Variants in GDI2 observed in about 807,000 individuals in gnomAD.
GDI2 encodes rab GDP dissociation inhibitor beta.
In GDI2, 22 loss-of-function variants were observed where a neutral mutation model predicts 54.2. The ratio of observed to expected loss-of-function variants is 0.41; its 90% CI spans 0.29 to 0.58. The LOEUF is 0.58. GDI2 is among the 20% of genes least tolerant of loss of function. GDI2 has a pLI of 0.35. For synonymous variants in GDI2, 177 were observed against 182.1 expected, an observed-to-expected ratio of 0.97 and a Z score of 0.23; for missense variants, 422 against 546.0, an observed-to-expected ratio of 0.77 and a Z score of 2.26.
intron 6 of GDI2, among the ~76,000 whole-genome samples, chr10:5,783,787 T>C (rs1485843616): frequency 6.6e-6 from 1 of 152,244 alleles, no homozygotes; most frequent in Non-Finnish European, 1.5e-5. Context: ...TTCTAGCTTT[T>C]AGAGTTTCTG....
Position 5,768,563 on chromosome 10 carries a change from A to G in GDI2, c.820-179T>C. The G allele has an allele frequency of 3.4e-6, 2 of 584,578 alleles. No individual in the cohort carries two copies. Among genetic ancestry groups the G allele is most frequent in the Non-Finnish European group, 6.1e-6 (2 of 329,634 alleles). The allele number at this position is 584,578 out of a possible 1,614,324, so 36.2% of individuals were successfully genotyped here. ...AAAACAATCTTAAAAGAAGAACAGC[A>G]AAGCTGGAGGACTCACTCACTAAAA... is the stretch of plus-strand genomic sequence containing the variant. On this transcript the variant is annotated intron_variant, in intron 7 of 10. Coordinates refer to ENST00000380191, the MANE Select transcript of GDI2 (RefSeq NM_001494.4). The surrounding 1 kb of genome is among the most constrained non-coding windows in gnomAD (Gnocchi z 4.4).
At chr10:5,794,801 TC>T in intron 4 of GDI2, 83 bp downstream of exon 4, 1 of 887,534 alleles carries the variant, frequency 1.1e-6, no homozygotes, top group Non-Finnish European at 1.8e-6. Flanking sequence ...GTTGACTGGG[TC>T]CTCTCTAAGA....
chr10:5,795,732 C>G (rs1841132582), intron 3 of GDI2, among the ~76,000 whole-genome samples: 1 of 151,936 alleles, frequency 6.6e-6, no homozygotes. Flanking sequence ...GAGTCCAAGA[C>G]CAACCCACAC....
chr10:5,803,761 A>G (rs1341640519), intron 1 of GDI2, among the ~76,000 whole-genome samples: 1 of 152,210 alleles, frequency 6.6e-6, no homozygotes, highest in Non-Finnish European at 1.5e-5. Flanking sequence ...GAGGGAAAAA[A>G]TTAATACAAT....
chr10:5,766,036 G>A lies in GDI2; in HGVS notation c.1308C>T (p.Arg436=). 6.3e-7 allele frequency: 1 copy of A among 1,588,444 alleles called. No individual in the cohort carries two copies. The highest frequency in any genetic ancestry group is 8.5e-7 in the Non-Finnish European group (1 of 1,173,036). The change falls in exon 11 of 11, where the codon CGC becomes CGT. Residue 436 remains arginine, a synonymous_variant. Coordinates refer to ENST00000380191, the MANE Select transcript of GDI2 (RefSeq NM_001494.4). This position sits in a 1 kb window ranked among gnomAD's most constrained non-coding sequence, Gnocchi z 5.8. ...CTTCCCCATAGATGTCATTCTTCTT[G>A]CGCTTCATTTCCTCAAAGTCAAACT... The part of the protein sequence containing the change: ...GSEFDFEEMK[R]KKNDIYGED
In GDI2 at chr10:5,784,668, G is replaced by C. The variant is rs569942298; in HGVS notation, c.719+474C>G. ...TTCCCCTAGGGATGGGGCTTCCTGA[G>C]AGCCAAACTGCAGTGATTGTTATTT... On this transcript the variant is annotated intron_variant, in intron 6 of 10. Transcript: ENST00000380191. Among the ~76,000 whole-genome samples the C allele has an allele frequency of 7.9e-5, 12 of 152,328 alleles. No homozygotes were observed. In the South Asian group the frequency reaches 2.5e-3, roughly 32 times the overall value.
chr10:5,808,697 T>TAAAAAA (rs56672226), intron 1 of GDI2, among the ~76,000 whole-genome samples: 1 of 86,228 alleles, frequency 1.2e-5, no homozygotes, highest in Non-Finnish European at 2.3e-5. Context: ...TTGTTGTTAT[T>TAAAAAA]AAAAAAAAAA....
intron 6 of GDI2, among the ~76,000 whole-genome samples, chr10:5,783,399 T>G (rs915449826): frequency 4.6e-5 from 7 of 152,202 alleles, no homozygotes; most frequent in African/African-American, 1.4e-4. Flanking sequence ...TCTTATCCAT[T>G]CTGCTATTCT....
At chr10:5,791,292 C>CA (rs1477458480) in intron 4 of GDI2, among the ~76,000 whole-genome samples, 1 of 151,700 alleles carries the variant, frequency 6.6e-6, no homozygotes, top group Non-Finnish European at 1.5e-5. Context: ...GACCCTGTTT[C>CA]AAAAAAATAA....
At chr10:5,782,055 A>C (rs1448381812) in intron 6 of GDI2, among the ~76,000 whole-genome samples, 1 of 152,198 alleles carries the variant, frequency 6.6e-6, no homozygotes, top group Admixed American at 6.5e-5. Flanking sequence ...GACCAGCCAT[A>C]AACTGGGAGA....
chr10:5,766,170 G>C lies in GDI2; in HGVS notation c.1192-18C>G, dbSNP rs369570588. 1 of 1,612,978 alleles carries C rather than the reference G, an allele frequency of 6.2e-7. No homozygotes were observed. ...ATAAAGATCTGAAAACAAAAATTAC[G>C]AAGACTTAAGACCATGGAGGGATGT... On this transcript the variant is annotated intron_variant, in intron 10 of 10. Coordinates refer to ENST00000380191, the MANE Select transcript of GDI2 (RefSeq NM_001494.4). This position sits in a 1 kb window ranked among gnomAD's most constrained non-coding sequence, Gnocchi z 5.8.
chr10:5,790,495 A>T (rs890369919), intron 4 of GDI2, among the ~76,000 whole-genome samples: 1 of 152,048 alleles, frequency 6.6e-6, no homozygotes, highest in African/African-American at 2.4e-5. Context: ...AATACAAAAA[A>T]TTAGCCAGGT....
At chr10:5,770,649 C>G (rs2131681825) in intron 7 of GDI2, among the ~76,000 whole-genome samples, 1 of 152,008 alleles carries the variant, frequency 6.6e-6, no homozygotes, top group Middle Eastern at 3.4e-3. Flanking sequence ...TACCACTGAA[C>G]TGTACACTTA....
intron 6 of GDI2, among the ~76,000 whole-genome samples, chr10:5,781,568 T>C (rs1588973340): frequency 7.2e-6 from 1 of 139,364 alleles, no homozygotes; most frequent in East Asian, 2.1e-4. Flanking sequence ...GAGCTTGCAG[T>C]GAGCCGAGAC....
At chr10:5,794,425 T>A (rs1841102876) in intron 4 of GDI2, among the ~76,000 whole-genome samples, 1 of 151,714 alleles carries the variant, frequency 6.6e-6, no homozygotes, top group South Asian at 2.1e-4. Flanking sequence ...CCAACCCAGC[T>A]ACTTATCCCA....
intron 1 of GDI2, among the ~76,000 whole-genome samples, chr10:5,808,823 TGA>T (rs1841431224): frequency 4.0e-5 from 6 of 150,062 alleles, no homozygotes; most frequent in Admixed American, 4.0e-4. Flanking sequence ...CCTAGAAACA[TGA>T]GAAATTAACC....
In GDI2 at chr10:5,794,951, T is replaced by C; in HGVS notation, c.322A>G (p.Ser108Gly). 6.3e-7 allele frequency: 1 copy of C among 1,595,630 alleles called. No individual in the cohort carries two copies. Among genetic ancestry groups the C allele is most frequent in the African/African-American group, 1.3e-5 (1 of 74,706 alleles). The stretch of plus-strand genomic sequence containing the variant: ...ATTTTTCCACCCTTATAGACAAAGC[T>C]CCCTTCAGTCACTTTAAAATCCAGA... ...RYLDFKVTEG[S>G]FVYKGGKIYK... is the part of the protein sequence containing the mutation. The change falls in exon 4 of 11, where the codon AGC (serine) becomes GGC (glycine). Residue 108 changes from serine (S) to glycine (G), a missense_variant. Ser to Gly is a moderately conservative substitution (Grantham distance 56). Transcript: ENST00000380191.
At chr10:5,802,074 G>A (rs1185982799) in intron 1 of GDI2, among the ~76,000 whole-genome samples, 1 of 152,138 alleles carries the variant, frequency 6.6e-6, no homozygotes, top group Non-Finnish European at 1.5e-5. Flanking sequence ...AACATTGTGT[G>A]TGAAAAAATG....
Position 5,776,254 on chromosome 10 carries a change from A to T in GDI2, c.720-2313T>A. On this transcript the variant is annotated intron_variant, in intron 6 of 10. Transcript: ENST00000380191. This position sits in a 1 kb window ranked among gnomAD's most constrained non-coding sequence, Gnocchi z 5.3. The stretch of plus-strand genomic sequence containing the variant: ...ATAGGAAACAGCGCCTCCTCATCCA[A>T]GACAGGTGGAAAAGGGCCCAGCGTG... The T allele has an allele frequency of 2.0e-6, 1 of 488,962 alleles. No homozygotes were observed. Among genetic ancestry groups the T allele is most frequent in the Non-Finnish European group, 3.9e-6 (1 of 258,440 alleles). 30.3% of individuals were successfully genotyped at this position (488,962 alleles called of 1,614,324 possible). A position where few individuals can be genotyped will look rare whatever the true frequency, so the allele number is the denominator to read the frequency against.
Sources: allele counts gnomAD v4.1 joint callset (sites outside exome capture counted in the v4.1 genomes callset), GRCh38; gene constraint gnomAD v4.1.1; non-coding constraint Gnocchi (gnomAD v3.1); transcripts MANE v1.5; gene names NCBI Gene and HGNC (gene_info 2026-07-23, HGNC 2026-07-21).